The following GFI1B variants were observed in gnomAD, a reference collection of about 807,000 sequenced individuals.
The protein encoded by GFI1B is zinc finger protein Gfi-1b.
In GFI1B, 20 loss-of-function variants were observed where a neutral mutation model predicts 35.3. That is an observed-to-expected ratio of 0.57 (90% CI 0.40 to 0.82). GFI1B has a LOEUF of 0.82. Among genes scored for constraint, GFI1B ranks in the 40% least tolerant of loss-of-function variants. The probability of loss-of-function intolerance (pLI) is 0.00; values close to 1 mark genes in which losing one functional copy is unlikely to be tolerated. For synonymous variants in GFI1B, 178 were observed against 177.6 expected, an observed-to-expected ratio of 1.00 and a Z score of -0.02; for missense variants, 430 against 446.3, an observed-to-expected ratio of 0.96 and a Z score of 0.33.
At chr9:132,948,695 G>A (rs1195076042) in intron 1 of GFI1B, among the ~76,000 whole-genome samples, 4 of 152,186 alleles carry the variant, frequency 2.6e-5, no homozygotes, top group East Asian at 1.9e-4. Flanking sequence ...CTGCAGCCCC[G>A]GCCTCTCTAG....
chr9:132,973,283 A>G (rs1339531244), intron 2 of GFI1B, among the ~76,000 whole-genome samples: 1 of 151,794 alleles, frequency 6.6e-6, no homozygotes, highest in Non-Finnish European at 1.5e-5. Flanking sequence ...CCAATATCCC[A>G]CGACCCCCGC....
At chr9:132,970,228 C>T (rs3011259) in intron 1 of GFI1B, among the ~76,000 whole-genome samples, 122,682 of 152,032 alleles carry the variant, frequency 0.81, 49,637 homozygotes, top group African/African-American at 0.83. Flanking sequence ...AGACTGGAGC[C>T]AAGCCCTGGG....
chr9:132,953,567 T>C (rs2132585688), intron 1 of GFI1B: 1 of 150,042 alleles, frequency 6.7e-6, no homozygotes, highest in Middle Eastern at 3.6e-3. Context: ...GGCAGGAGGA[T>C]TGCTTGAGCC....
Position 132,991,347 on chromosome 9 carries a change from C to T in GFI1B, c.*297C>T. On this transcript the variant is annotated 3_prime_UTR_variant, in exon 7 of 7. Coordinates refer to ENST00000372122, the MANE Select transcript of GFI1B (RefSeq NM_001377304.1). The stretch of plus-strand genomic sequence containing the variant: ...AGAGCACAGAAAGCTAGAATACCCC[C>T]AGGGAGACAGGGATGCCAAGAGTAG... The T allele has an allele frequency of 2.3e-6, 1 of 441,300 alleles. No homozygotes were observed. Among genetic ancestry groups the T allele is most frequent in the Non-Finnish European group, 4.2e-6 (1 of 236,750 alleles). The allele number at this position is 441,300 out of a possible 1,614,324, so 27.3% of individuals were successfully genotyped here.
upstream of GFI1B, among the ~76,000 whole-genome samples, chr9:132,974,129 G>C (rs536674339): frequency 6.7e-6 from 1 of 149,450 alleles, no homozygotes; most frequent in Non-Finnish European, 1.5e-5. Context: ...GATGGAGAGA[G>C]AGTCATTCAT....
Position 132,953,675 on chromosome 9 carries a change from C to T in GFI1B, c.-701+8006C>T, listed in dbSNP as rs149748855. Reference sequence around the variant, plus strand: ...TCTCAAAAATAAAATAGGCCGGGCACGGTGGCTCATGCCTGTAATCCCAGC... The same window carrying T: ...TCTCAAAAATAAAATAGGCCGGGCATGGTGGCTCATGCCTGTAATCCCAGC... On this transcript the variant is annotated intron_variant, in intron 1 of 10. Coordinates refer to the GFI1B transcript ENST00000339463. 2.6e-3 allele frequency: 375 copies of T among 146,800 alleles called. 1 individual carries two copies. The highest frequency in any genetic ancestry group is 4.1e-3 in the Non-Finnish European group (277 of 66,906). The allele number at this position is 146,800 out of a possible 1,614,324, so 9.1% of individuals were successfully genotyped here.
chr9:132,976,540 A>T (rs538465440), upstream of GFI1B: 170 of 152,454 alleles, frequency 1.1e-3, 1 homozygote, highest in African/African-American at 3.9e-3. Context: ...AGGCAGGAGG[A>T]TCGCTTGAGG....
intron 1 of GFI1B, among the ~76,000 whole-genome samples, chr9:132,971,778 A>C (rs946182184): frequency 6.6e-6 from 1 of 152,060 alleles, no homozygotes; most frequent in Non-Finnish European, 1.5e-5. Flanking sequence ...GTTCGAGACC[A>C]GCCTGGCCAA....
chr9:132,987,300 C>T lies in GFI1B; in HGVS notation c.119C>T (p.Pro40Leu). ...ALTPVPRDQA[P>L]SNSPVLSTLF... is the part of the protein sequence containing the mutation. ...CCCACAGTGCCCAGAGACCAGGCTC[C>T]AAGCAACAGCCCTGTCCTTAGCACT... is the stretch of plus-strand genomic sequence containing the variant. The change falls in exon 3 of 7, where the codon CCA becomes CTA. Residue 40 changes from proline to leucine, a missense_variant. Pro to Leu is a moderately conservative substitution (Grantham distance 98). Coordinates refer to ENST00000372122, the MANE Select transcript of GFI1B (RefSeq NM_001377304.1). 6.2e-7 allele frequency: 1 copy of T among 1,614,138 alleles called. No individual in the cohort carries two copies. The highest frequency in any genetic ancestry group is 1.7e-5 in the Admixed American group (1 of 60,024).
In GFI1B at chr9:132,991,064, C is replaced by G; in HGVS notation, c.*14C>G. The G allele has an allele frequency of 6.2e-7, 1 of 1,611,030 alleles. No individual in the cohort carries two copies. On this transcript the variant is annotated 3_prime_UTR_variant, in exon 7 of 7. Transcript: ENST00000372122. ...AATCTCAAGTGAGGCTGCGCCGGCT[C>G]CCAGCTCCTGGCCAGCCTGCCCTGC... is the stretch of plus-strand genomic sequence containing the variant.
At chr9:132,967,784 A>G (rs1397385773) in intron 1 of GFI1B, among the ~76,000 whole-genome samples, 1 of 151,388 alleles carries the variant, frequency 6.6e-6, no homozygotes, top group Non-Finnish European at 1.5e-5. Flanking sequence ...GTATACACAT[A>G]TTTTTCTTTT....
intron 1 of GFI1B, among the ~76,000 whole-genome samples, chr9:132,964,686 T>C (rs1051718020): frequency 3.3e-5 from 5 of 151,694 alleles, no homozygotes; most frequent in African/African-American, 1.2e-4. Context: ...TGAACTGTGC[T>C]ACCCTTGTTA....
chr9:132,973,038 T>C (rs950959498), intron 2 of GFI1B, among the ~76,000 whole-genome samples: 10 of 152,216 alleles, frequency 6.6e-5, no homozygotes, highest in African/African-American at 2.4e-4. Flanking sequence ...GGCACTTTTC[T>C]GGCACCAAGA....
chr9:132,967,054 A>C (rs1270003772), intron 1 of GFI1B, among the ~76,000 whole-genome samples: 2 of 152,202 alleles, frequency 1.3e-5, no homozygotes, highest in African/African-American at 4.8e-5. Flanking sequence ...TGATTCGGTC[A>C]TGCCCTCATC....
At chr9:132,949,039 T>C (rs1310170556) in intron 1 of GFI1B, among the ~76,000 whole-genome samples, 1 of 152,206 alleles carries the variant, frequency 6.6e-6, no homozygotes, top group Non-Finnish European at 1.5e-5. Flanking sequence ...TAGTAATGGT[T>C]TCCCCCACTC....
intron 1 of GFI1B, among the ~76,000 whole-genome samples, chr9:132,981,848 G>A (rs1848832607): frequency 6.6e-6 from 1 of 152,094 alleles, no homozygotes; most frequent in South Asian, 2.1e-4. Context: ...CGCCTTCTGG[G>A]TTCAAGTGAT....
In GFI1B at chr9:132,989,702, G is replaced by C. The variant is rs367558713; in HGVS notation, c.649-40G>C. On this transcript the variant is annotated intron_variant, in intron 5 of 6. Coordinates refer to ENST00000372122, the MANE Select transcript of GFI1B (RefSeq NM_001377304.1). This position sits in a 1 kb window ranked among gnomAD's most constrained non-coding sequence, Gnocchi z 6.2. Reference sequence around the variant, plus strand: ...GGATCCCGGCCGGGTCCAGTCCTGAGCCTGCACCTGACCCCCCGGGGCCTC... The same window carrying C: ...GGATCCCGGCCGGGTCCAGTCCTGACCCTGCACCTGACCCCCCGGGGCCTC... 2 of 1,585,826 alleles carry C rather than the reference G, an allele frequency of 1.3e-6. No individual in the cohort carries two copies. Among genetic ancestry groups the C allele is most frequent in the Admixed American group, 1.7e-5 (1 of 59,644 alleles).
chr9:132,962,979 G>A (rs1458426253), intron 1 of GFI1B, among the ~76,000 whole-genome samples: 2 of 150,320 alleles, frequency 1.3e-5, no homozygotes, highest in Non-Finnish European at 3.0e-5. Flanking sequence ...CTAATTGGGA[G>A]GCTGAGGCAG....
chr9:132,969,227 C>T (rs1213717449), intron 1 of GFI1B, among the ~76,000 whole-genome samples: 2 of 152,100 alleles, frequency 1.3e-5, no homozygotes, highest in Admixed American at 6.6e-5. Flanking sequence ...GACTGGGTTT[C>T]GCCATGTTGG....
Sources: allele counts gnomAD v4.1 joint callset (sites outside exome capture counted in the v4.1 genomes callset), GRCh38; gene constraint gnomAD v4.1.1; non-coding constraint Gnocchi (gnomAD v3.1); transcripts MANE v1.5; gene names NCBI Gene and HGNC (gene_info 2026-07-23, HGNC 2026-07-21).